The following SPTLC1 variants were observed in gnomAD, a reference collection of about 807,000 sequenced individuals.
SPTLC1 encodes the protein serine palmitoyltransferase 1.
SPTLC1 carries 55 observed loss-of-function variants against 68.9 expected under a neutral mutation model. The ratio of observed to expected loss-of-function variants is 0.80; its 90% CI spans 0.64 to 1.00. The LOEUF is 1.00. SPTLC1 is among the 50% of genes least tolerant of loss of function. The pLI, the probability that SPTLC1 is intolerant of heterozygous loss-of-function variation, is 0.00. For missense variants in SPTLC1, 449 were observed against 573.1 expected (o/e 0.78, Z 2.21); for synonymous variants, 197 against 201.6 (o/e 0.98, Z 0.19).
intron 12 of SPTLC1, among the ~76,000 whole-genome samples, chr9:92,043,581 G>A (rs113497819): frequency 4.5e-4 from 68 of 152,160 alleles, no homozygotes; most frequent in African/African-American, 1.4e-3. Context: ...AGCTCTACCT[G>A]GAGTCTTCTC....
chr9:92,094,075 T>C (rs1835453696), intron 3 of SPTLC1, among the ~76,000 whole-genome samples: 1 of 152,152 alleles, frequency 6.6e-6, no homozygotes. Flanking sequence ...TAACAAAATG[T>C]GGAAGAATGT....
At chr9:92,096,158 G>A (rs1835521968) in intron 3 of SPTLC1, among the ~76,000 whole-genome samples, 1 of 152,124 alleles carries the variant, frequency 6.6e-6, no homozygotes, top group South Asian at 2.1e-4. Context: ...TAGACTAGAG[G>A]ACTCCTCTCC....
At chr9:92,034,933 G>C in intron 13 of SPTLC1, 50 bp from the exon 14 acceptor site, 1 of 1,455,314 alleles carries the variant, frequency 6.9e-7, no homozygotes, top group South Asian at 1.1e-5. Flanking sequence ...AGACATGGTG[G>C]TAATTAAACT....
At chr9:92,109,411 T>TGCATCAC (rs1836139921) in intron 2 of SPTLC1, 1 of 156,758 alleles carries the variant, frequency 6.4e-6, no homozygotes, top group African/African-American at 2.4e-5. Context: ...CCTAAATACG[T>TGCATCAC]CTATATTACT....
chr9:92,055,546 G>A lies in SPTLC1; in HGVS notation c.691-52C>T, dbSNP rs184612011. 2.6e-6 allele frequency: 4 copies of A among 1,560,686 alleles called. No individual in the cohort carries two copies. In the East Asian group the frequency reaches 9.0e-5, roughly 35 times the overall value. On this transcript the variant is annotated intron_variant, in intron 7 of 14. Transcript: ENST00000262554. ...TACATTTCAGTAACTCTGAAGACAAGATCTGTTACATATTCCCCAGCACTT... is the reference window on the plus strand; with the variant it reads ...TACATTTCAGTAACTCTGAAGACAAAATCTGTTACATATTCCCCAGCACTT...
intron 3 of SPTLC1, among the ~76,000 whole-genome samples, chr9:92,099,751 A>C (rs1439174639): frequency 6.6e-6 from 1 of 152,028 alleles, no homozygotes; most frequent in Non-Finnish European, 1.5e-5. Context: ...CAAAGTGCTG[A>C]GATTGCAGGC....
chr9:92,088,776 G>C (rs10820939), intron 3 of SPTLC1, among the ~76,000 whole-genome samples: 24,532 of 152,242 alleles, frequency 0.16, 2,290 homozygotes, highest in Admixed American at 0.21. Flanking sequence ...AAGGAACAAA[G>C]TTTCCGGTGA....
At chr9:92,066,168 C>A (rs868708251) in intron 6 of SPTLC1, among the ~76,000 whole-genome samples, 1 of 152,110 alleles carries the variant, frequency 6.6e-6, no homozygotes, top group Non-Finnish European at 1.5e-5. Flanking sequence ...TAAACTGTTA[C>A]AAGCTCTACA....
Position 92,106,098 on chromosome 9 carries a change from G to C in SPTLC1, c.260+2642C>G, listed in dbSNP as rs577720913. ...GCCCAGCCCCTGCACCGTCTGGGAA[G>C]TGAGGAGCGCCTCTGCCCGGCCCCC... On this transcript the variant is annotated intron_variant, in intron 3 of 14. Coordinates refer to ENST00000262554, the MANE Select transcript of SPTLC1 (RefSeq NM_006415.4). 2.0e-4 allele frequency among the ~76,000 whole-genome samples: 30 copies of C among 151,888 alleles called. No homozygotes were observed. In the East Asian group the frequency reaches 5.4e-3, roughly 27 times the overall value.
chr9:92,073,383 AC>A (rs1451723315), intron 5 of SPTLC1, among the ~76,000 whole-genome samples: 2 of 152,214 alleles, frequency 1.3e-5, no homozygotes, highest in Non-Finnish European at 2.9e-5. Context: ...CTAGGGCAGT[AC>A]CCGTGAAGGC....
rs1408033801 is a variant in SPTLC1, at chr9:92,032,478, G to A, written c.1409C>T (p.Ala470Val). 1 of 1,614,208 alleles carries A rather than the reference G, an allele frequency of 6.2e-7. No homozygotes were observed. The highest frequency in any genetic ancestry group is 8.5e-7 in the Non-Finnish European group (1 of 1,180,036). Residue 470 changes from alanine to valine, a missense_variant, in exon 15 of 15, where the codon GCC becomes GTC. Physicochemically the swap from Ala to Val is moderately conservative, Grantham distance 64. Around this residue, in one of 3 missense-constraint regions of SPTLC1, gnomAD observed 391 missense variants for 472.1 expected, o/e 0.83. Transcript: ENST00000262554. ...CCGGGACTCTGCCTAGAGCAGGACGGCCTGGGCTACCTCCTTGATGGTGGA... is the reference window on the plus strand; with the variant it reads ...CCGGGACTCTGCCTAGAGCAGGACGACCTGGGCTACCTCCTTGATGGTGGA... ...AASTIKEVAQ[A>V]VLL
intron 3 of SPTLC1, among the ~76,000 whole-genome samples, chr9:92,081,368 A>G (rs1267357661): frequency 6.6e-6 from 1 of 152,230 alleles, no homozygotes; most frequent in African/African-American, 2.4e-5. Flanking sequence ...GTGAGTTATG[A>G]TCTTGCATAG....
intron 5 of SPTLC1, among the ~76,000 whole-genome samples, chr9:92,073,173 A>G (rs1041015086): frequency 1.3e-5 from 2 of 152,118 alleles, no homozygotes; most frequent in African/African-American, 2.4e-5. Flanking sequence ...CCCTTTCTCT[A>G]TATCTGACCT....
At chr9:92,110,230 ATT>A (rs1836177939) in intron 2 of SPTLC1, 1 of 152,226 alleles carries the variant, frequency 6.6e-6, no homozygotes. Context: ...TAGTAATTAC[ATT>A]TTGACTTGCA....
intron 3 of SPTLC1, among the ~76,000 whole-genome samples, chr9:92,089,883 G>C (rs1428979291): frequency 6.6e-6 from 1 of 152,320 alleles, no homozygotes; most frequent in African/African-American, 2.4e-5. Flanking sequence ...TAATTAGACT[G>C]ACACAGTCTC....
chr9:92,086,790 G>A (rs964277315), intron 3 of SPTLC1, among the ~76,000 whole-genome samples: 1 of 152,190 alleles, frequency 6.6e-6, no homozygotes, highest in Non-Finnish European at 1.5e-5. Flanking sequence ...ATGTTGGCCT[G>A]CCTTGCTAGA....
chr9:92,058,550 C>T (rs1293990134), intron 7 of SPTLC1, among the ~76,000 whole-genome samples: 1 of 152,084 alleles, frequency 6.6e-6, no homozygotes, highest in Non-Finnish European at 1.5e-5. Context: ...TCTGTTTCAC[C>T]CTAATCAGAA....
At chr9:92,047,033 C>A (rs889880396) in intron 11 of SPTLC1, 139 bp downstream of exon 11, 8 of 758,068 alleles carry the variant, frequency 1.1e-5, no homozygotes, top group Non-Finnish European at 1.4e-5. Flanking sequence ...TTCTTCACTG[C>A]CATTCTTCCT....
intron 5 of SPTLC1, among the ~76,000 whole-genome samples, chr9:92,070,473 G>A (rs761436487): frequency 1.3e-5 from 2 of 152,228 alleles, no homozygotes; most frequent in African/African-American, 4.8e-5. Flanking sequence ...AAACACGGCA[G>A]AGAAGTGACC....
Sources: allele counts gnomAD v4.1 joint callset (sites outside exome capture counted in the v4.1 genomes callset), GRCh38; gene constraint gnomAD v4.1.1; regional missense constraint gnomAD v4.1.1; transcripts MANE v1.5; gene names NCBI Gene and HGNC (gene_info 2026-07-23, HGNC 2026-07-21).